IMMP2L: variants seen among roughly 807,000 people sequenced by gnomAD.
IMMP2L encodes the protein inner mitochondrial membrane peptidase subunit 2, also known as mitochondrial inner membrane protease subunit 2.
In IMMP2L, 18 loss-of-function variants were observed where a neutral mutation model predicts 19.3. The observed-to-expected ratio is 0.93, with a 90% confidence interval of 0.64 to 1.38. The LOEUF (loss-of-function observed/expected upper bound fraction) is 1.38. IMMP2L is among the 40% of genes most tolerant of loss of function. The probability of loss-of-function intolerance (pLI) is 0.00; values close to 1 mark genes in which losing one functional copy is unlikely to be tolerated. For missense variants in IMMP2L, 233 were observed against 218.2 expected, an observed-to-expected ratio of 1.07 and a Z score of -0.43; for synonymous variants, 76 against 73.0, an observed-to-expected ratio of 1.04 and a Z score of -0.21.
At chr7:111,237,050 C>A (rs1311353862) in intron 3 of IMMP2L, among the ~76,000 whole-genome samples, 1 of 152,066 alleles carries the variant, frequency 6.6e-6, no homozygotes, top group Admixed American at 6.6e-5. Flanking sequence ...GTTTCCATAA[C>A]ACGGAATATA....
chr7:110,843,431 T>G (rs1454388927), intron 5 of IMMP2L, among the ~76,000 whole-genome samples: 2 of 152,120 alleles, frequency 1.3e-5, no homozygotes, highest in African/African-American at 4.8e-5. Context: ...GTATACTTAC[T>G]AGATAAACAT....
At chr7:110,741,034 A>G (rs1400811374) in intron 5 of IMMP2L, among the ~76,000 whole-genome samples, 8 of 152,216 alleles carry the variant, frequency 5.3e-5, no homozygotes, top group African/African-American at 1.2e-4. Flanking sequence ...ATACTTGCAC[A>G]TGCATGTTTA....
At chr7:111,228,964 T>C (rs1813407170) in intron 3 of IMMP2L, among the ~76,000 whole-genome samples, 2 of 106,552 alleles carry the variant, frequency 1.9e-5, no homozygotes, top group South Asian at 5.8e-4. Flanking sequence ...ACACTAGCAA[T>C]GCGTGTGTGT....
intron 3 of IMMP2L, among the ~76,000 whole-genome samples, chr7:111,402,158 ATAATAATAATAATAT>A (rs1186230513): frequency 6.4e-5 from 9 of 141,440 alleles, no homozygotes; most frequent in East Asian, 6.1e-4. Flanking sequence ...AATAATAATA[ATAATAATAATAATAT>A]TAAGTTAGGA....
chr7:110,820,831 C>T (rs749160103), intron 5 of IMMP2L, among the ~76,000 whole-genome samples: 1 of 152,052 alleles, frequency 6.6e-6, no homozygotes, highest in African/African-American at 2.4e-5. Flanking sequence ...TGCCATCTTT[C>T]TCTAGATATT....
At chr7:110,739,512 C>T (rs377508246) in intron 5 of IMMP2L, among the ~76,000 whole-genome samples, 1 of 152,084 alleles carries the variant, frequency 6.6e-6, no homozygotes, top group Non-Finnish European at 1.5e-5. Flanking sequence ...AGGAAAATAT[C>T]ACAGTTCTAA....
chr7:111,025,053 C>T (rs893381051), intron 3 of IMMP2L, among the ~76,000 whole-genome samples: 1 of 152,128 alleles, frequency 6.6e-6, no homozygotes, highest in Non-Finnish European at 1.5e-5. Context: ...GTTCATCTAT[C>T]TCTTTCATTC....
At chr7:111,076,431 G>A (rs1034679911) in intron 3 of IMMP2L, among the ~76,000 whole-genome samples, 2 of 152,022 alleles carry the variant, frequency 1.3e-5, no homozygotes, top group Non-Finnish European at 2.9e-5. Context: ...TTAATGTGGG[G>A]ATTTTTTGTT....
intron 4 of IMMP2L, among the ~76,000 whole-genome samples, chr7:110,959,145 T>C (rs1818670744): frequency 6.6e-6 from 1 of 151,998 alleles, no homozygotes; most frequent in Admixed American, 6.6e-5. Flanking sequence ...CTACAGTAAG[T>C]ATAAATAAGT....
intron 3 of IMMP2L, among the ~76,000 whole-genome samples, chr7:111,212,893 A>G (rs909764689): frequency 6.6e-6 from 1 of 152,130 alleles, no homozygotes; most frequent in Non-Finnish European, 1.5e-5. Context: ...TACCGGTCTC[A>G]TTCCATGTGC....
At chr7:111,064,386 C>T (rs1794301895) in intron 3 of IMMP2L, among the ~76,000 whole-genome samples, 1 of 152,138 alleles carries the variant, frequency 6.6e-6, no homozygotes, top group South Asian at 2.1e-4. Context: ...GGTGGAATGG[C>T]TTTTTGAAGT....
chr7:110,724,635 T>C (rs1040267000), intron 5 of IMMP2L: 29 of 152,088 alleles, frequency 1.9e-4, no homozygotes, highest in African/African-American at 7.0e-4. Flanking sequence ...TTTTTTTGCA[T>C]CAGGAAAGAG....
intron 2 of IMMP2L, 58 bp downstream of exon 2, chr7:111,521,255 T>G (rs1846296522): frequency 6.6e-7 from 1 of 1,520,156 alleles, no homozygotes; most frequent in Non-Finnish European, 9.0e-7. Context: ...CTCTCATTTC[T>G]AGTGCTTGAA....
intron 5 of IMMP2L, among the ~76,000 whole-genome samples, chr7:110,784,523 T>C (rs770984162): frequency 4.6e-5 from 7 of 151,980 alleles, no homozygotes; most frequent in Non-Finnish European, 8.8e-5. Flanking sequence ...TTTACATCTA[T>C]CATATTTCCC....
intron 4 of IMMP2L, among the ~76,000 whole-genome samples, chr7:110,923,304 C>T (rs776908657): frequency 6.6e-6 from 1 of 152,060 alleles, no homozygotes; most frequent in Non-Finnish European, 1.5e-5. Context: ...AAAAGAGAAA[C>T]TCCGGTAAAA....
intron 3 of IMMP2L, among the ~76,000 whole-genome samples, chr7:111,204,231 G>A (rs543665226): frequency 1.1e-4 from 16 of 152,108 alleles, no homozygotes; most frequent in African/African-American, 2.9e-4. Flanking sequence ...AGCCCACATC[G>A]CTCACTGATG....
chr7:110,868,687 T>C (rs1185474579), intron 5 of IMMP2L, among the ~76,000 whole-genome samples: 1 of 152,116 alleles, frequency 6.6e-6, no homozygotes, highest in African/African-American at 2.4e-5. Context: ...TCTGTTTACA[T>C]AAGAAGTCAG....
intron 3 of IMMP2L, among the ~76,000 whole-genome samples, chr7:111,036,828 G>T (rs1384665644): frequency 2.0e-5 from 3 of 152,034 alleles, no homozygotes; most frequent in Non-Finnish European, 4.4e-5. Flanking sequence ...CAAAACTGGG[G>T]TCACTTATTT....
At chr7:111,553,148 G>A (rs543866989) in intron 1 of IMMP2L, among the ~76,000 whole-genome samples, 1 of 152,248 alleles carries the variant, frequency 6.6e-6, no homozygotes, top group African/African-American at 2.4e-5. Flanking sequence ...AGGTTTTCAT[G>A]TTACAAAACA....
Sources: gnomAD v4.1 joint callset for allele counts (sites outside exome capture counted in the v4.1 genomes callset) on GRCh38, gnomAD v4.1.1 for gene constraint, MANE v1.5 for transcripts, NCBI Gene and HGNC (gene_info 2026-07-23, HGNC 2026-07-21) for gene names.